The following TMLHE variants were observed in gnomAD, a reference collection of about 807,000 sequenced individuals.
The protein encoded by TMLHE is trimethyllysine hydroxylase, epsilon.
TMLHE carries 18 observed loss-of-function variants against 25.7 expected under a neutral mutation model. The ratio of observed to expected loss-of-function variants is 0.70; its 90% CI spans 0.48 to 1.04. TMLHE has a LOEUF of 1.04. Ranked by LOEUF, TMLHE falls within the 50% of genes least tolerant of loss-of-function variation. The probability of loss-of-function intolerance (pLI) is 0.00; values close to 1 mark genes in which losing one functional copy is unlikely to be tolerated. For missense variants in TMLHE, 236 were observed against 259.0 expected (o/e 0.91, Z 0.61); for synonymous variants, 105 against 97.0 (o/e 1.08, Z -0.49).
In TMLHE at chrX:155,570,451, C is replaced by T. The variant is rs1557342960; in HGVS notation, c.-1-25174G>A. ...TGAGACAGAAAGTTAACAAGGATAC[C>T]CAGGAATTGAACTCAGCTCTGCACC... On this transcript the variant is annotated intron_variant, in intron 1 of 7. Coordinates refer to ENST00000334398, the MANE Select transcript of TMLHE (RefSeq NM_018196.4). 3.7e-5 allele frequency among the ~76,000 whole-genome samples: 2 copies of T among 54,374 alleles called. 1 individual carries two copies. Among genetic ancestry groups the T allele is most frequent in the African/African-American group, 8.9e-5 (2 of 22,531 alleles). 47.2% of individuals were successfully genotyped at this position (54,374 alleles called of 115,157 possible).
At chrX:155,533,312 A>G (rs200096791) in intron 2 of TMLHE, among the ~76,000 whole-genome samples, 1 of 111,120 alleles carries the variant, frequency 9.0e-6, no homozygotes, top group East Asian at 2.8e-4. Context: ...GGTACTTTTT[A>G]GTTTCCATAA....
chrX:155,540,621 T>C (rs2067304902), intron 2 of TMLHE, among the ~76,000 whole-genome samples: 2 of 111,473 alleles, frequency 1.8e-5, no homozygotes, highest in South Asian at 7.6e-4. Flanking sequence ...TAAAGGTTTA[T>C]TGTGTAGAAT....
chrX:155,604,152 C>T (rs1173045032), intron 1 of TMLHE, among the ~76,000 whole-genome samples: 1 of 111,740 alleles, frequency 8.9e-6, no homozygotes, highest in Non-Finnish European at 1.9e-5. Flanking sequence ...GCTGCCCTAC[C>T]TCGTGGCTGA....
intron 5 of TMLHE, among the ~76,000 whole-genome samples, chrX:155,510,312 ATATG>A (rs1310370350): frequency 1.9e-5 from 2 of 105,843 alleles, no homozygotes; most frequent in Non-Finnish European, 3.9e-5. Context: ...GGTTTGTTAC[ATATG>A]TATACATGTG....
At chrX:155,548,537 CAGCCTGACT>C (rs1444273136) in intron 1 of TMLHE, among the ~76,000 whole-genome samples, 1 of 106,832 alleles carries the variant, frequency 9.4e-6, no homozygotes, top group Non-Finnish European at 1.9e-5. Context: ...AGTATGAGGC[CAGCCTGACT>C]AACATGGTGA....
At chrX:155,539,406 C>T (rs782367292) in intron 2 of TMLHE, among the ~76,000 whole-genome samples, 4 of 111,367 alleles carry the variant, frequency 3.6e-5, no homozygotes, top group Non-Finnish European at 7.5e-5. Context: ...GTATCACAGA[C>T]AGACATCAAG....
intron 1 of TMLHE, among the ~76,000 whole-genome samples, chrX:155,551,834 A>G (rs1557340106): frequency 9.1e-6 from 1 of 110,182 alleles, no homozygotes; most frequent in African/African-American, 3.4e-5. Context: ...TTTGTTATAT[A>G]TGTAGTATTT....
intron 2 of TMLHE, among the ~76,000 whole-genome samples, chrX:155,536,800 C>T (rs1482613212): frequency 8.9e-6 from 1 of 111,965 alleles, no homozygotes; most frequent in Non-Finnish European, 1.9e-5. Flanking sequence ...TATTTATTTA[C>T]TTATTTTATT....
rs1446600129 is a variant in TMLHE, at chrX:155,550,918, A to C, written c.-1-5641T>G. On this transcript the variant is annotated intron_variant, in intron 1 of 7. Coordinates refer to ENST00000334398, the MANE Select transcript of TMLHE (RefSeq NM_018196.4). ...AGCCTGGCTATCTTGACAACTAACA[A>C]ATTATTTTTTAACCCCAAAAGAAAA... 2.7e-5 allele frequency among the ~76,000 whole-genome samples: 3 copies of C among 111,071 alleles called. No individual in the cohort carries two copies. In the Admixed American group the frequency reaches 2.9e-4, roughly 11 times the overall value.
intron 1 of TMLHE, among the ~76,000 whole-genome samples, chrX:155,555,570 C>G (rs781910135): frequency 3.7e-4 from 41 of 111,037 alleles, no homozygotes; most frequent in African/African-American, 1.4e-3. Context: ...GATCGCCATT[C>G]TAACTGGCGT....
rs141385872 is a variant in TMLHE, at chrX:155,604,087, C to T, written c.-2+8705G>A. Among the ~76,000 whole-genome samples the T allele has an allele frequency of 2.6e-3, 291 of 111,635 alleles. 6 individuals carry two copies. In the East Asian group the frequency reaches 0.073, roughly 28 times the overall value. Reference sequence around the variant, plus strand: ...GAGCCAAGTCTCTCATCTCTGTGAGCCTCCAACCCCCTGGTCTTCACCAAG... The same window carrying T: ...GAGCCAAGTCTCTCATCTCTGTGAGTCTCCAACCCCCTGGTCTTCACCAAG... On this transcript the variant is annotated intron_variant, in intron 1 of 7. Coordinates refer to ENST00000334398, the MANE Select transcript of TMLHE (RefSeq NM_018196.4).
intron 3 of TMLHE, among the ~76,000 whole-genome samples, chrX:155,522,165 AT>A (rs1202625667): frequency 1.8e-5 from 2 of 111,817 alleles, no homozygotes; most frequent in Admixed American, 9.4e-5. Context: ...TTTCTATGGC[AT>A]TTTTTTTCTA....
intron 2 of TMLHE, among the ~76,000 whole-genome samples, chrX:155,538,857 C>T (rs1434074461): frequency 9.0e-6 from 1 of 111,321 alleles, no homozygotes; most frequent in Non-Finnish European, 1.9e-5. Flanking sequence ...CCTATTGGAT[C>T]ATCCTCATTA....
chrX:155,547,553 A>G (rs2067359521), intron 1 of TMLHE, among the ~76,000 whole-genome samples: 1 of 111,803 alleles, frequency 8.9e-6, no homozygotes, highest in Non-Finnish European at 1.9e-5. Flanking sequence ...GTACAGGGTG[A>G]TAACTACTAC....
chrX:155,549,578 G>C (rs782398116), intron 1 of TMLHE, among the ~76,000 whole-genome samples: 8 of 110,057 alleles, frequency 7.3e-5, no homozygotes, highest in Non-Finnish European at 1.5e-4. Flanking sequence ...AACCCCATTT[G>C]ATTATGATAT....
At chrX:155,514,382 G>T in intron 3 of TMLHE, 117 bp from the exon 4 acceptor site, 1 of 783,357 alleles carries the variant, frequency 1.3e-6, no homozygotes, top group Non-Finnish European at 1.7e-6. Context: ...GTACTGTATT[G>T]TTTATGAAAC....
chrX:155,534,746 G>A (rs899560767), intron 2 of TMLHE, among the ~76,000 whole-genome samples: 4 of 111,505 alleles, frequency 3.6e-5, no homozygotes, highest in African/African-American at 6.5e-5. Flanking sequence ...GAGTTAAGAC[G>A]GGGTTGTTGG....
intron 1 of TMLHE, among the ~76,000 whole-genome samples, chrX:155,547,261 C>T (rs1476249452): frequency 3.3e-5 from 3 of 90,335 alleles, no homozygotes; most frequent in Non-Finnish European, 4.6e-5. Flanking sequence ...TCTCCTGCCT[C>T]AGCCTCCCGA....
chrX:155,549,275 GA>G lies in TMLHE; in HGVS notation c.-1-3999del, dbSNP rs1557339617. On this transcript the variant is annotated intron_variant, in intron 1 of 7. Coordinates refer to ENST00000334398, the MANE Select transcript of TMLHE (RefSeq NM_018196.4). ...TCACTAGTTAGGAGGAGTAAGCATG[GA>G]CAACCTTGCCTTGTTCCTGATCTTA... 2.7e-5 allele frequency among the ~76,000 whole-genome samples: 3 copies of G among 110,493 alleles called. 1 individual carries two copies. Among genetic ancestry groups the G allele is most frequent in the Non-Finnish European group, 5.7e-5 (3 of 52,941 alleles).
Sources: allele counts gnomAD v4.1 joint callset (sites outside exome capture counted in the v4.1 genomes callset), GRCh38; gene constraint gnomAD v4.1.1; transcripts MANE v1.5; gene names NCBI Gene and HGNC (gene_info 2026-07-23, HGNC 2026-07-21).